The following SLCO1A2 variants were observed in gnomAD, a reference collection of about 807,000 sequenced individuals.
The protein encoded by SLCO1A2 is solute carrier organic anion transporter family member 1A2, also known as OATP-1.
In SLCO1A2, 67 loss-of-function variants were observed where a neutral mutation model predicts 69.0. That is an observed-to-expected ratio of 0.97 (90% CI 0.80 to 1.19). SLCO1A2 has a LOEUF of 1.19. Ranked by LOEUF, SLCO1A2 falls within the 50% of genes most tolerant of loss-of-function variation. The pLI, the probability that SLCO1A2 is intolerant of heterozygous loss-of-function variation, is 0.00. For missense variants in SLCO1A2, 787 were observed against 793.7 expected (o/e 0.99, Z 0.10); for synonymous variants, 260 against 265.9 (o/e 0.98, Z 0.22).
intron 2 of SLCO1A2, among the ~76,000 whole-genome samples, chr12:21,344,872 C>T (rs538704139): frequency 6.6e-6 from 1 of 152,002 alleles, no homozygotes; most frequent in South Asian, 2.1e-4. Context: ...AATCCTAGCC[C>T]TATTTCTTAA....
intron 1 of SLCO1A2, among the ~76,000 whole-genome samples, chr12:21,404,369 A>G (rs916225007): frequency 1.3e-5 from 2 of 152,068 alleles, no homozygotes; most frequent in African/African-American, 2.4e-5. Flanking sequence ...TGCATTAGCT[A>G]TTTATCCTGA....
chr12:21,406,164 G>C (rs12315803), intron 1 of SLCO1A2, among the ~76,000 whole-genome samples: 1 of 151,346 alleles, frequency 6.6e-6, no homozygotes, highest in Non-Finnish European at 1.5e-5. Flanking sequence ...TAAAATGTGT[G>C]TGTGTCTGTG....
chr12:21,319,488 A>G (rs892402772), intron 2 of SLCO1A2: 13 of 1,361,036 alleles, frequency 9.6e-6, no homozygotes, highest in East Asian at 9.1e-5. Flanking sequence ...CATTCTTCCC[A>G]TAGTAGGATG....
At chr12:21,282,813 A>G (rs11537394) in intron 12 of SLCO1A2, among the ~76,000 whole-genome samples, 12,105 of 152,150 alleles carry the variant, frequency 0.08, 809 homozygotes, top group East Asian at 0.35. Flanking sequence ...TCTAAAAAAA[A>G]GTAATTCTAT....
chr12:21,299,269 A>G (rs139890815), intron 8 of SLCO1A2, among the ~76,000 whole-genome samples: 113 of 152,258 alleles, frequency 7.4e-4, no homozygotes, highest in African/African-American at 2.6e-3. Flanking sequence ...AAGTTTGAGC[A>G]TCAGTGCTCT....
chr12:21,270,940 T>C (rs1591767062), intron 14 of SLCO1A2, among the ~76,000 whole-genome samples: 2 of 151,742 alleles, frequency 1.3e-5, no homozygotes, highest in Non-Finnish European at 3.0e-5. Context: ...ATTCCCTCTA[T>C]GGTATATAGT....
At chr12:21,362,429 G>C (rs11045999) in intron 2 of SLCO1A2, among the ~76,000 whole-genome samples, 143,484 of 152,198 alleles carry the variant, frequency 0.94, 67,845 homozygotes, top group East Asian at 1. Context: ...CAACCGGTAC[G>C]AGCCACTGCA....
rs575144951 is a variant in SLCO1A2 at position 21,284,306 on chromosome 12, G to A, written c.1610+7858C>T. 5.3e-5 allele frequency among the ~76,000 whole-genome samples: 8 copies of A among 152,322 alleles called. No homozygotes were observed. The East Asian group carries it at 1.4e-3, about 26-fold the overall frequency. ...ACAGCTCCGGTCCACAGCTCCCAGT[G>A]TGAGCGATGCAGAAGACGGGTGATT... On this transcript the variant is annotated intron_variant, in intron 12 of 14. Coordinates refer to ENST00000683939, the MANE Select transcript of SLCO1A2 (RefSeq NM_001386879.1).
At chr12:21,310,567 CA>C (rs2136609261) in intron 4 of SLCO1A2, among the ~76,000 whole-genome samples, 1 of 152,300 alleles carries the variant, frequency 6.6e-6, no homozygotes, top group Admixed American at 6.5e-5. Flanking sequence ...CTTCCTTTCA[CA>C]AAAGTTTTTT....
intron 2 of SLCO1A2, among the ~76,000 whole-genome samples, chr12:21,354,699 C>CT (rs563393646): frequency 7.0e-4 from 107 of 152,204 alleles, no homozygotes; most frequent in African/African-American, 2.3e-3. Context: ...ATTCAAATTT[C>CT]TGTTTTTTAG....
At chr12:21,355,194 C>CT (rs748408433) in intron 2 of SLCO1A2, among the ~76,000 whole-genome samples, 1 of 152,096 alleles carries the variant, frequency 6.6e-6, no homozygotes, top group African/African-American at 2.4e-5. Context: ...TAAATCATTT[C>CT]TAGAGGAGTA....
At chr12:21,409,776 A>G (rs1941878573) in intron 1 of SLCO1A2, among the ~76,000 whole-genome samples, 1 of 152,206 alleles carries the variant, frequency 6.6e-6, no homozygotes, top group African/African-American at 2.4e-5. Flanking sequence ...GCTGTATGGT[A>G]CACAGTCTTC....
At chr12:21,342,015 A>G (rs986884749) in intron 2 of SLCO1A2, among the ~76,000 whole-genome samples, 1 of 151,980 alleles carries the variant, frequency 6.6e-6, no homozygotes, top group South Asian at 2.1e-4. Flanking sequence ...ACTCAGCTGA[A>G]TACCGTTTGT....
intron 2 of SLCO1A2, among the ~76,000 whole-genome samples, chr12:21,359,602 C>G (rs956505509): frequency 1.3e-5 from 2 of 152,114 alleles, no homozygotes; most frequent in Non-Finnish European, 2.9e-5. Flanking sequence ...TTCTAATTAG[C>G]CAGGCATGGT....
At chr12:21,401,365 C>T (rs1017067618) in intron 1 of SLCO1A2, among the ~76,000 whole-genome samples, 14 of 151,392 alleles carry the variant, frequency 9.2e-5, no homozygotes, top group Non-Finnish European at 4.4e-5. Flanking sequence ...CAATAACAAT[C>T]GAACAATAAA....
chr12:21,394,577 ACAC>A (rs750666919), intron 1 of SLCO1A2, among the ~76,000 whole-genome samples: 2 of 135,818 alleles, frequency 1.5e-5, no homozygotes, highest in African/African-American at 2.7e-5. Context: ...ACACACACAC[ACAC>A]AACAAAAAAC....
At chr12:21,296,062 G>A (rs991888005) in intron 9 of SLCO1A2, among the ~76,000 whole-genome samples, 1 of 152,076 alleles carries the variant, frequency 6.6e-6, no homozygotes, top group African/African-American at 2.4e-5. Flanking sequence ...TTTCTTATAG[G>A]CAGAGATCAT....
Position 21,359,064 on chromosome 12 carries a change from G to A in SLCO1A2, c.-63+15335C>T, listed in dbSNP as rs1197296624. The stretch of plus-strand genomic sequence containing the variant: ...ACAGGAAGCAAGCTGCTACTCCAGT[G>A]TCCCTGCAAGTCTAGGGATTTTTAG... On this transcript the variant is annotated intron_variant, in intron 2 of 15. Coordinates refer to the SLCO1A2 transcript ENST00000307378. Among the ~76,000 whole-genome samples the A allele has an allele frequency of 3.9e-5, 6 of 152,294 alleles. No homozygotes were observed. In the East Asian group the frequency reaches 9.7e-4, roughly 25 times the overall value.
intron 2 of SLCO1A2, chr12:21,324,664 T>C (rs1565499695): frequency 6.6e-6 from 1 of 152,324 alleles, no homozygotes; most frequent in Non-Finnish European, 1.5e-5. Flanking sequence ...ACCCAATTGC[T>C]CTAAAGAATA....
Sources: allele counts gnomAD v4.1 joint callset (sites outside exome capture counted in the v4.1 genomes callset), GRCh38; gene constraint gnomAD v4.1.1; transcripts MANE v1.5; gene names NCBI Gene and HGNC (gene_info 2026-07-23, HGNC 2026-07-21).